The following IQCM variants were observed in gnomAD, a reference collection of about 807,000 sequenced individuals.
IQCM encodes IQ motif containing M.
In IQCM, 45 loss-of-function variants were observed where a neutral mutation model predicts 57.6. The observed-to-expected ratio is 0.78, with a 90% confidence interval of 0.62 to 1.00. The LOEUF is 1.00. Ranked by LOEUF, IQCM falls within the 50% of genes least tolerant of loss-of-function variation. The pLI, the probability that IQCM is intolerant of heterozygous loss-of-function variation, is 0.00. For synonymous variants in IQCM, 148 were observed against 158.9 expected (o/e 0.93, Z 0.51); for missense variants, 468 against 511.6 (o/e 0.91, Z 0.82).
intron 2 of IQCM, among the ~76,000 whole-genome samples, chr4:149,781,801 G>A (rs925881090): frequency 6.6e-6 from 1 of 152,086 alleles, no homozygotes; most frequent in Admixed American, 6.6e-5. Context: ...TGATACATTG[G>A]AAAAGAAGCA....
intron 13 of IQCM, among the ~76,000 whole-genome samples, chr4:149,419,277 C>A (rs545100357): frequency 5.9e-4 from 90 of 152,224 alleles, no homozygotes; most frequent in Non-Finnish European, 9.4e-4. Flanking sequence ...CAGCATGGTA[C>A]TTGTATAAAA....
At chr4:149,509,868 T>TACTC (rs1409876825) in intron 12 of IQCM, among the ~76,000 whole-genome samples, 45 of 152,108 alleles carry the variant, frequency 3.0e-4, no homozygotes, top group Admixed American at 3.0e-3. Context: ...TGGTCCAATG[T>TACTC]ACTCACCTGT....
At chr4:149,707,429 C>T (rs777857320) in intron 5 of IQCM, among the ~76,000 whole-genome samples, 1 of 151,932 alleles carries the variant, frequency 6.6e-6, no homozygotes, top group African/African-American at 2.4e-5. Flanking sequence ...ACCATGGACC[C>T]GGAGCATCCC....
intron 8 of IQCM, among the ~76,000 whole-genome samples, chr4:149,596,227 G>T (rs1753761109): frequency 2.0e-5 from 3 of 152,130 alleles, no homozygotes; most frequent in Admixed American, 1.3e-4. Context: ...CAAGGGGATT[G>T]CTGTTTCTAG....
intron 12 of IQCM, among the ~76,000 whole-genome samples, chr4:149,446,165 T>A (rs1736485372): frequency 6.6e-6 from 1 of 151,780 alleles, no homozygotes; most frequent in East Asian, 1.9e-4. Flanking sequence ...CAAAGCTTTT[T>A]TTTCTTTTAT....
intron 12 of IQCM, among the ~76,000 whole-genome samples, chr4:149,496,610 C>G (rs1220810651): frequency 6.6e-6 from 1 of 152,072 alleles, no homozygotes; most frequent in African/African-American, 2.4e-5. Flanking sequence ...GTAGATGAGG[C>G]AAGGAAATAG....
intron 12 of IQCM, among the ~76,000 whole-genome samples, chr4:149,497,726 T>C (rs958422582): frequency 7.1e-6 from 1 of 140,590 alleles, no homozygotes; most frequent in Non-Finnish European, 1.5e-5. Flanking sequence ...AAAAAAGTAA[T>C]GTTGAAATTG....
intron 13 of IQCM, among the ~76,000 whole-genome samples, chr4:149,412,892 A>G (rs982715148): frequency 6.6e-6 from 1 of 152,124 alleles, no homozygotes; most frequent in African/African-American, 2.4e-5. Context: ...GGAAAGTTAA[A>G]AAGTTCAGAG....
intron 13 of IQCM, among the ~76,000 whole-genome samples, chr4:149,382,992 C>CAAA (rs202088268): frequency 1.9e-3 from 202 of 103,982 alleles, no homozygotes; most frequent in African/African-American, 6.8e-3. Context: ...TATTCTTCAG[C>CAAA]AAAAAAAAAA....
At chr4:149,468,280 T>C (rs1271507074) in intron 12 of IQCM, among the ~76,000 whole-genome samples, 2 of 152,108 alleles carry the variant, frequency 1.3e-5, no homozygotes, top group Non-Finnish European at 2.9e-5. Flanking sequence ...CCCACCCTAA[T>C]ACTGTGCTTT....
rs149632863 is a variant in IQCM, at chr4:149,367,290, C to T, written c.1391-15224G>A. Among the ~76,000 whole-genome samples, 405 of 152,028 alleles carry T rather than the reference C, an allele frequency of 2.7e-3. 2 individuals carry two copies. The highest frequency in any genetic ancestry group is 9.2e-3 in the African/African-American group (384 of 41,526). On this transcript the variant is annotated intron_variant, in intron 13 of 13. Coordinates refer to ENST00000636793, the MANE Select transcript of IQCM (RefSeq NM_001363507.2). The stretch of plus-strand genomic sequence containing the variant: ...ATTATATGTATGCCCTGTATACAAA[C>T]AAAACACCAGTAATTCACTTCAAAA...
At chr4:149,453,126 A>G (rs941592451) in intron 12 of IQCM, among the ~76,000 whole-genome samples, 3 of 151,666 alleles carry the variant, frequency 2.0e-5, no homozygotes, top group Non-Finnish European at 4.4e-5. Flanking sequence ...ACAAAGTGTG[A>G]GACTTGTATA....
At chr4:149,590,269 T>G (rs1453644077) in intron 8 of IQCM, among the ~76,000 whole-genome samples, 16 of 138,496 alleles carry the variant, frequency 1.2e-4, no homozygotes, top group Non-Finnish European at 2.0e-4. Context: ...TTTTTTTTTT[T>G]GCTTTCCTTT....
At chr4:149,767,961 C>T (rs1770214552) in intron 2 of IQCM, among the ~76,000 whole-genome samples, 2 of 151,972 alleles carry the variant, frequency 1.3e-5, no homozygotes, top group African/African-American at 4.8e-5. Flanking sequence ...ACAGTATTTA[C>T]TATTTTTAAC....
At chr4:149,546,340 T>C (rs187517628) in intron 12 of IQCM, among the ~76,000 whole-genome samples, 1 of 152,324 alleles carries the variant, frequency 6.6e-6, no homozygotes, top group East Asian at 1.9e-4. Flanking sequence ...TACCCAGTAA[T>C]GGGATGGCTG....
chr4:149,587,890 G>A (rs946565633), intron 9 of IQCM, 40 bp downstream of exon 9: 7 of 911,550 alleles, frequency 7.7e-6, no homozygotes, highest in Non-Finnish European at 1.0e-5. Context: ...ACAAAAATGA[G>A]TGCATTAATT....
intron 4 of IQCM, among the ~76,000 whole-genome samples, chr4:149,734,580 T>C (rs1471963489): frequency 2.0e-5 from 3 of 152,182 alleles, no homozygotes. Context: ...TTTAAAAGCT[T>C]ACTTAAAATT....
intron 13 of IQCM, among the ~76,000 whole-genome samples, chr4:149,405,574 A>C (rs1026031840): frequency 6.6e-6 from 1 of 151,848 alleles, no homozygotes; most frequent in African/African-American, 2.4e-5. Flanking sequence ...AAAAAGAATA[A>C]GTAATAGCTG....
chr4:149,400,127 A>T (rs1412639043), intron 13 of IQCM, among the ~76,000 whole-genome samples: 1 of 151,566 alleles, frequency 6.6e-6, no homozygotes, highest in Non-Finnish European at 1.5e-5. Context: ...ACTGCTTATG[A>T]TGTCATGTAA....
Sources: allele counts gnomAD v4.1 joint callset (sites outside exome capture counted in the v4.1 genomes callset), GRCh38; gene constraint gnomAD v4.1.1; transcripts MANE v1.5; gene names NCBI Gene and HGNC (gene_info 2026-07-23, HGNC 2026-07-21).